UBE3C: variants seen among roughly 807,000 people sequenced by gnomAD.
UBE3C encodes the protein ubiquitin-protein ligase E3C.
In UBE3C, 42 loss-of-function variants were observed where a neutral mutation model predicts 129.4. That is an observed-to-expected ratio of 0.32 (90% CI 0.25 to 0.42). UBE3C has a LOEUF of 0.42. Among genes scored for constraint, UBE3C ranks in the 10% least tolerant of loss-of-function variants. UBE3C has a pLI of 1.00. For missense variants in UBE3C, 1,049 were observed against 1,319.1 expected (o/e 0.80, Z 3.17); for synonymous variants, 510 against 492.4 (o/e 1.04, Z -0.47).
intron 13 of UBE3C, among the ~76,000 whole-genome samples, chr7:157,215,163 T>C (rs1480332922): frequency 1.3e-5 from 2 of 152,232 alleles, no homozygotes; most frequent in Non-Finnish European, 1.5e-5. Flanking sequence ...GTTTTTACTA[T>C]GCAGTTTTAT....
intron 19 of UBE3C, among the ~76,000 whole-genome samples, chr7:157,253,607 C>CT (rs1796672386): frequency 6.6e-6 from 1 of 151,698 alleles, no homozygotes; most frequent in South Asian, 2.1e-4. Context: ...TCTCTTCTGA[C>CT]TTAACGGTGA....
chr7:157,201,806 G>A lies in UBE3C; in HGVS notation c.1417G>A (p.Gly473Arg), dbSNP rs535693628. ...ISSMSTRMITGSMVPLLQVIS... is the reference protein window; with the variant it reads ...ISSMSTRMITRSMVPLLQVIS... ...TTCCATGTCAACACGGATGATCACAGGGTATGTATTATACAGACTTATAAA... is the reference window on the plus strand; with the variant it reads ...TTCCATGTCAACACGGATGATCACAAGGTATGTATTATACAGACTTATAAA... The change falls in exon 11 of 23, where the codon GGG (glycine) becomes AGG (arginine). Residue 473 changes from glycine (G) to arginine (R), a missense_variant and splice_region_variant. Gly to Arg is a moderately radical substitution (Grantham distance 125). This residue lies in a region of UBE3C where 314 missense variants were observed against 416.9 expected (regional missense o/e 0.75). Coordinates refer to ENST00000348165, the MANE Select transcript of UBE3C (RefSeq NM_014671.3). The A allele has an allele frequency of 6.2e-7, 1 of 1,606,908 alleles. No individual in the cohort carries two copies. Among genetic ancestry groups the A allele is most frequent in the Non-Finnish European group, 8.5e-7 (1 of 1,176,920 alleles).
intron 9 of UBE3C, 60 bp from the exon 10 acceptor site, chr7:157,186,774 G>A: frequency 2.5e-6 from 4 of 1,577,876 alleles, no homozygotes; most frequent in Non-Finnish European, 3.5e-6. Context: ...TATGTTTGTA[G>A]TGTAGAGGAC....
At chr7:157,155,424 T>C (rs28520529) in intron 1 of UBE3C, among the ~76,000 whole-genome samples, 15,016 of 152,172 alleles carry the variant, frequency 0.099, 834 homozygotes, top group African/African-American at 0.13. Context: ...CTCACAGTTT[T>C]TTGGGGTTTT....
chr7:157,197,853 A>T, intron 10 of UBE3C: 1 of 1,609,450 alleles, frequency 6.2e-7, no homozygotes, highest in East Asian at 2.2e-5. Context: ...ATCAATAAGA[A>T]CAACCGCGTT....
At chr7:157,187,981 C>A (rs761716244) in intron 10 of UBE3C, among the ~76,000 whole-genome samples, 6 of 152,160 alleles carry the variant, frequency 3.9e-5, no homozygotes, top group Non-Finnish European at 8.8e-5. Context: ...AAAACAAAAC[C>A]TGCAAGTTAA....
chr7:157,165,964 T>A (rs1293248446), intron 2 of UBE3C, among the ~76,000 whole-genome samples: 1 of 152,222 alleles, frequency 6.6e-6, no homozygotes, highest in East Asian at 1.9e-4. Context: ...ATTCAGTCTT[T>A]ATCTTTGACT....
At chr7:157,153,740 G>T (rs951818806) in intron 1 of UBE3C, among the ~76,000 whole-genome samples, 2 of 152,180 alleles carry the variant, frequency 1.3e-5, no homozygotes, top group African/African-American at 4.8e-5. Context: ...ACTCTGGGAG[G>T]CTAAGGCAGG....
intron 5 of UBE3C, among the ~76,000 whole-genome samples, chr7:157,177,138 A>G (rs1047849754): frequency 2.0e-5 from 3 of 152,232 alleles, no homozygotes; most frequent in Admixed American, 1.3e-4. Flanking sequence ...GGAGAGGCGC[A>G]GTTCCTCCAT....
chr7:157,255,098 C>G (rs542023241), intron 21 of UBE3C, among the ~76,000 whole-genome samples: 36 of 152,030 alleles, frequency 2.4e-4, no homozygotes, highest in Admixed American at 9.8e-4. Context: ...CCAGCCTGGG[C>G]GACAGGAGTG....
At chr7:157,169,256 C>A in intron 3 of UBE3C, 134 bp downstream of exon 3, 1 of 608,062 alleles carries the variant, frequency 1.6e-6, no homozygotes, top group Non-Finnish European at 2.6e-6. Flanking sequence ...TTTATTTGTT[C>A]TAATTATTGT....
intron 17 of UBE3C, among the ~76,000 whole-genome samples, chr7:157,229,121 T>C (rs2116632165): frequency 6.6e-6 from 1 of 152,252 alleles, no homozygotes; most frequent in South Asian, 2.1e-4. Flanking sequence ...TTCCCCTGAC[T>C]TCATGCAGCA....
In UBE3C at chr7:157,252,495, A is replaced by G. The variant is rs1400366760; in HGVS notation, c.2695-1459A>G. Among the ~76,000 whole-genome samples, 4 of 152,274 alleles carry G rather than the reference A, an allele frequency of 2.6e-5. No homozygotes were observed. In the East Asian group the frequency reaches 5.8e-4, roughly 22 times the overall value. ...GAAGTGAATTATTGAGAATAATTGT[A>G]TCATCCTTTAAAATGTGAAACGTTA... On this transcript the variant is annotated intron_variant, in intron 19 of 22. Transcript: ENST00000348165.
chr7:157,216,436 C>T (rs1795573889), intron 13 of UBE3C, among the ~76,000 whole-genome samples: 4 of 150,976 alleles, frequency 2.6e-5, no homozygotes, highest in African/African-American at 9.8e-5. Flanking sequence ...GTTTGTTGTA[C>T]GCATCCTTAG....
intron 18 of UBE3C, among the ~76,000 whole-genome samples, chr7:157,246,010 A>C (rs961437973): frequency 1.3e-5 from 2 of 151,924 alleles, no homozygotes; most frequent in African/African-American, 4.8e-5. Context: ...AAAAAAAAAA[A>C]AAAACAGTGT....
chr7:157,236,554 TC>T (rs1378698143), intron 18 of UBE3C, among the ~76,000 whole-genome samples: 2 of 152,214 alleles, frequency 1.3e-5, no homozygotes, highest in African/African-American at 4.8e-5. Context: ...CTTGAGATTT[TC>T]AAAAGTTGGA....
intron 8 of UBE3C, among the ~76,000 whole-genome samples, chr7:157,183,215 A>G (rs1223499756): frequency 2.0e-5 from 3 of 152,190 alleles, no homozygotes; most frequent in Admixed American, 6.5e-5. Flanking sequence ...AGATCCCATC[A>G]TCTGAGGGCT....
At chr7:157,242,794 A>G (rs756019628) in intron 18 of UBE3C, among the ~76,000 whole-genome samples, 1 of 152,062 alleles carries the variant, frequency 6.6e-6, no homozygotes, top group Non-Finnish European at 1.5e-5. Flanking sequence ...TGGTGGCTCA[A>G]GCCTGTAATC....
At chr7:157,190,394 A>G (rs1808923912) in intron 10 of UBE3C, among the ~76,000 whole-genome samples, 1 of 152,118 alleles carries the variant, frequency 6.6e-6, no homozygotes, top group Admixed American at 6.6e-5. Flanking sequence ...CTGAAACTGC[A>G]GTGTCCTGCA....
Sources: allele counts gnomAD v4.1 joint callset (sites outside exome capture counted in the v4.1 genomes callset), GRCh38; gene constraint gnomAD v4.1.1; regional missense constraint gnomAD v4.1.1; transcripts MANE v1.5; gene names NCBI Gene and HGNC (gene_info 2026-07-23, HGNC 2026-07-21).